Variants in FAM184A observed in about 807,000 individuals in gnomAD.
FAM184A encodes family with sequence similarity 184 member A.
In FAM184A, 99 loss-of-function variants were observed where a neutral mutation model predicts 143.8. That is an observed-to-expected ratio of 0.69 (90% CI 0.58 to 0.81). FAM184A has a LOEUF of 0.81. Among genes scored for constraint, FAM184A ranks in the 40% least tolerant of loss-of-function variants. The pLI, the probability that FAM184A is intolerant of heterozygous loss-of-function variation, is 0.00. For missense variants in FAM184A, 1,217 were observed against 1,310.5 expected (o/e 0.93, Z 1.10); for synonymous variants, 427 against 446.4 (o/e 0.96, Z 0.55).
intron 14 of FAM184A, among the ~76,000 whole-genome samples, chr6:118,973,195 T>TGG (rs1783746547): frequency 6.6e-6 from 1 of 152,154 alleles, no homozygotes; most frequent in Non-Finnish European, 1.5e-5. Context: ...AAATAACAAC[T>TGG]GGGGACCTGT....
intron 1 of FAM184A, among the ~76,000 whole-genome samples, chr6:119,058,851 T>C (rs1175081327): frequency 6.6e-6 from 1 of 152,196 alleles, no homozygotes; most frequent in Non-Finnish European, 1.5e-5. Context: ...ACCCAGCCAT[T>C]TGAGTCTTCC....
intron 1 of FAM184A, among the ~76,000 whole-genome samples, chr6:119,068,375 T>C (rs1191955313): frequency 6.6e-6 from 1 of 151,960 alleles, no homozygotes; most frequent in Non-Finnish European, 1.5e-5. Flanking sequence ...TGTTAAAGAG[T>C]ATGTCAGCAG....
chr6:119,063,322 AAGC>A (rs1787328869), intron 1 of FAM184A, among the ~76,000 whole-genome samples: 1 of 152,152 alleles, frequency 6.6e-6, no homozygotes, highest in Non-Finnish European at 1.5e-5. Flanking sequence ...AAAAAAACTT[AAGC>A]ACAATAAGAC....
At chr6:119,010,262 T>C (rs1181661383) in intron 6 of FAM184A, among the ~76,000 whole-genome samples, 2 of 152,226 alleles carry the variant, frequency 1.3e-5, no homozygotes, top group African/African-American at 2.4e-5. Context: ...AATGAAACTG[T>C]TGAGTTAAAG....
chr6:119,102,784 CAAAAAAA>C (rs58686018), intron 1 of FAM184A, among the ~76,000 whole-genome samples: 2 of 30,112 alleles, frequency 6.6e-5, no homozygotes, highest in East Asian at 7.3e-4. Context: ...GACTCCATCT[CAAAAAAA>C]AAAAAAAAAA....
chr6:118,960,180 C>T lies in FAM184A; in HGVS notation c.3346G>A (p.Ala1116Thr). Residue 1116 changes from alanine to threonine, a missense_variant, in exon 18 of 18, where the codon GCT becomes ACT. By Grantham distance (58) the Ala-to-Thr change is moderately conservative. Coordinates refer to ENST00000338891, the MANE Select transcript of FAM184A (RefSeq NM_024581.6). Reference protein sequence around the residue: ...PKGPKTFLSPAQSEASPVASP... With the variant: ...PKGPKTFLSPTQSEASPVASP... ...GCCACTGGAGAAGCTTCACTCTGAG[C>T]AGGACTGAATTCATAAAAAGAGAGA... 6.2e-7 allele frequency: 1 copy of T among 1,612,922 alleles called. No individual in the cohort carries two copies. The highest frequency in any genetic ancestry group is 2.2e-5 in the East Asian group (1 of 44,866).
intron 1 of FAM184A, among the ~76,000 whole-genome samples, chr6:119,068,711 C>T (rs1301445788): frequency 6.6e-6 from 1 of 152,158 alleles, no homozygotes; most frequent in Admixed American, 6.5e-5. Flanking sequence ...CTAAACCTAA[C>T]ACAAACACAT....
chr6:118,997,180 C>A (rs888044047), intron 9 of FAM184A, among the ~76,000 whole-genome samples: 3 of 151,618 alleles, frequency 2.0e-5, no homozygotes, highest in Admixed American at 2.0e-4. Context: ...GTGGACAGAT[C>A]ACTTGAAGTT....
intron 1 of FAM184A, among the ~76,000 whole-genome samples, chr6:119,131,589 G>A (rs1381061038): frequency 2.0e-5 from 3 of 152,072 alleles, no homozygotes; most frequent in Non-Finnish European, 2.9e-5. Context: ...GGGCTCAAGC[G>A]ATCCCCCTAC....
chr6:119,136,257 C>A (rs1169598455), intron 1 of FAM184A, among the ~76,000 whole-genome samples: 1 of 138,396 alleles, frequency 7.2e-6, no homozygotes, highest in Admixed American at 7.5e-5. Context: ...CGCAGTCCGG[C>A]CTGGGCGACA....
chr6:118,989,823 T>TTTA (rs1475403031), intron 9 of FAM184A, among the ~76,000 whole-genome samples: 1 of 150,572 alleles, frequency 6.6e-6, no homozygotes, highest in East Asian at 1.9e-4. Context: ...TATTTATTTA[T>TTTA]TTATTTATTT....
At chr6:118,963,888 C>G (rs1783411157) in intron 16 of FAM184A, 1 of 151,788 alleles carries the variant, frequency 6.6e-6, no homozygotes. Context: ...TACTGAATAC[C>G]TACTATACCC....
At chr6:119,094,504 G>T (rs943908031) in intron 1 of FAM184A, among the ~76,000 whole-genome samples, 3 of 152,154 alleles carry the variant, frequency 2.0e-5, no homozygotes, top group African/African-American at 7.2e-5. Context: ...GAGTTTGATT[G>T]TTATGCCAGA....
At chr6:119,129,601 C>G (rs1441584005) in intron 1 of FAM184A, among the ~76,000 whole-genome samples, 4 of 151,904 alleles carry the variant, frequency 2.6e-5, no homozygotes, top group African/African-American at 7.3e-5. Context: ...AGCTAACAAG[C>G]CTTTAACATT....
chr6:119,061,360 C>CT (rs200512615), intron 1 of FAM184A, among the ~76,000 whole-genome samples: 66 of 150,272 alleles, frequency 4.4e-4, no homozygotes, highest in South Asian at 1.3e-3. Context: ...TTCTTTCTTT[C>CT]TTTTTTTTTA....
intron 1 of FAM184A, among the ~76,000 whole-genome samples, chr6:119,103,265 G>A (rs539063992): frequency 1.3e-5 from 2 of 152,262 alleles, no homozygotes; most frequent in African/African-American, 2.4e-5. Flanking sequence ...GTGGAAAGAC[G>A]AAATGAAGCT....
rs188012542 is a variant in FAM184A at position 119,103,888 on chromosome 6, C to G, written c.-202+45190G>C. Among the ~76,000 whole-genome samples, 470 of 140,314 alleles carry G rather than the reference C, an allele frequency of 3.3e-3. 3 individuals carry two copies. Among genetic ancestry groups the G allele is most frequent in the Middle Eastern group, 0.027 (7 of 260 alleles). 92.1% of individuals were successfully genotyped at this position (140,314 alleles called of 152,430 possible). On this transcript the variant is annotated intron_variant, in intron 1 of 16. Transcript: ENST00000352896. ...GTTGCAGTGAGCAGAGATCGAGCCA[C>G]TGTACTCCAGCCTGGTGTCAGAGTG...
chr6:119,046,948 C>A (rs949468482), intron 1 of FAM184A, among the ~76,000 whole-genome samples: 4 of 152,156 alleles, frequency 2.6e-5, no homozygotes, highest in Non-Finnish European at 5.9e-5. Context: ...AGAGACAACC[C>A]ACAGAGTAGA....
chr6:119,024,475 T>C lies in FAM184A; in HGVS notation c.498A>G (p.Glu166=). 6.2e-7 allele frequency: 1 copy of C among 1,613,672 alleles called. No homozygotes were observed. The highest frequency in any genetic ancestry group is 8.5e-7 in the Non-Finnish European group (1 of 1,179,908). ...GTTGTCCAAAGCTCCGTAATTTTTC[T>C]TCAAATTTCCTTCTAATCTCTTCGA... ...REVEEIRRKF[E]EKLRSFGQLQ... Residue 166 remains glutamate (E), a synonymous_variant, in exon 2 of 18, where the codon GAA becomes GAG. Coordinates refer to ENST00000338891, the MANE Select transcript of FAM184A (RefSeq NM_024581.6).
Sources: gnomAD v4.1 joint callset for allele counts (sites outside exome capture counted in the v4.1 genomes callset) on GRCh38, gnomAD v4.1.1 for gene constraint, MANE v1.5 for transcripts, NCBI Gene and HGNC (gene_info 2026-07-23, HGNC 2026-07-21) for gene names.